The following DENND5B variants were observed in gnomAD, a reference collection of about 807,000 sequenced individuals.
DENND5B encodes the protein DENN domain-containing protein 5B.
A neutral mutation model predicts 140.6 loss-of-function variants in DENND5B; 34 were observed. The ratio of observed to expected loss-of-function variants is 0.24; its 90% confidence interval spans 0.18 to 0.32. The LOEUF (loss-of-function observed/expected upper bound fraction) is 0.32. Ranked by LOEUF, DENND5B falls within the 10% of genes least tolerant of loss-of-function variation. The pLI, the probability that DENND5B is intolerant of heterozygous loss-of-function variation, is 1.00. For synonymous variants in DENND5B, 551 were observed against 562.1 expected (o/e 0.98, Z 0.28); for missense variants, 1,142 against 1,560.2 (o/e 0.73, Z 4.52).
chr12:31,404,782 A>G (rs376104306), intron 14 of DENND5B, among the ~76,000 whole-genome samples: 1 of 1,062 alleles, frequency 9.4e-4, no homozygotes, highest in Non-Finnish European at 5.7e-3. Context: ...TTTTTGAGAC[A>G]GAGTTTTGCT....
chr12:31,426,664 A>C (rs1943251202), intron 8 of DENND5B: 2 of 350,754 alleles, frequency 5.7e-6, no homozygotes, highest in Non-Finnish European at 1.0e-5. Context: ...GTTAAAACTC[A>C]TTCAAAGTGA....
chr12:31,460,380 A>G lies in DENND5B; in HGVS notation c.906T>C (p.Asp302=). 1 of 1,613,676 alleles carries G rather than the reference A, an allele frequency of 6.2e-7. No individual in the cohort carries two copies. The highest frequency in any genetic ancestry group is 8.5e-7 in the Non-Finnish European group (1 of 1,179,710). Residue 302 remains aspartate (D), a splice_region_variant and synonymous_variant, in exon 4 of 21, where the codon GAT becomes GAC. Transcript: ENST00000389082. ...LEMQILLYSQ[D]YQRLMTVAEG... ...CTGCCACAGTCATCAGGCGTTGATA[A>G]TCTGCACAGAACAAGGAAAAAGGAA...
At chr12:31,411,501 C>T (rs181845900) in intron 13 of DENND5B, among the ~76,000 whole-genome samples, 35 of 152,074 alleles carry the variant, frequency 2.3e-4, no homozygotes, top group Admixed American at 4.6e-4. Context: ...TGCGCCACGA[C>T]ACCCAGCTAA....
At chr12:31,437,174 A>C (rs1278029512) in intron 7 of DENND5B, among the ~76,000 whole-genome samples, 4 of 146,316 alleles carry the variant, frequency 2.7e-5, no homozygotes, top group African/African-American at 1.0e-4. Context: ...ACGGAGTCTC[A>C]CTCTGTCGTC....
In DENND5B at chr12:31,590,786, G is replaced by T; in HGVS notation, c.47C>A (p.Pro16Gln). The T allele has an allele frequency of 1.5e-6, 2 of 1,370,930 alleles. No individual in the cohort carries two copies. The highest frequency in any genetic ancestry group is 3.1e-5 in the East Asian group (1 of 31,968). 84.9% of individuals were successfully genotyped at this position (1,370,930 alleles called of 1,614,324 possible). The change falls in exon 1 of 21, where the codon CCG becomes CAG. Residue 16 changes from proline (P) to glutamine (Q), a missense_variant. Pro to Gln is a moderately conservative substitution (Grantham distance 76). This residue lies in a region of DENND5B where 708 missense variants were observed against 905.5 expected (regional missense o/e 0.78). Transcript: ENST00000389082. The stretch of plus-strand genomic sequence containing the variant: ...GTAGTGCGCGAAGCGGCAGGCGGCC[G>T]GGGAGGAGCCCGAGCCCGGGCCGGG... ...AAPGPGSGSS[P>Q]AACRFAHYFV... is the part of the protein sequence containing the mutation.
chr12:31,501,479 A>G (rs1565643395), intron 1 of DENND5B, among the ~76,000 whole-genome samples: 1 of 152,222 alleles, frequency 6.6e-6, no homozygotes, highest in African/African-American at 2.4e-5. Context: ...AAAACTAAAG[A>G]AATCTAAATA....
chr12:31,542,727 G>A lies in DENND5B; in HGVS notation c.128-46808C>T, dbSNP rs1216290808. On this transcript the variant is annotated intron_variant, in intron 1 of 20. Transcript: ENST00000389082. ...TCCCAACACTTTGGGAGGCCAAAAC[G>A]GGTGGATTCTTTGAGCCCAGGAGTT... Among the ~76,000 whole-genome samples the A allele has an allele frequency of 3.3e-5, 5 of 152,268 alleles. No homozygotes were observed. In the South Asian group the frequency reaches 6.2e-4, roughly 19 times the overall value.
At chr12:31,419,699 C>T (rs1312394406) in intron 11 of DENND5B, among the ~76,000 whole-genome samples, 1 of 152,020 alleles carries the variant, frequency 6.6e-6, no homozygotes, top group African/African-American at 2.4e-5. Context: ...TCTGGCCAGG[C>T]ACAGTGGCTT....
chr12:31,529,153 A>C (rs1460930747), intron 1 of DENND5B, among the ~76,000 whole-genome samples: 1 of 132,638 alleles, frequency 7.5e-6, no homozygotes, highest in Admixed American at 8.7e-5. Context: ...ACAGAGCGAA[A>C]CTCTGTCTCA....
At chr12:31,424,440 G>T in intron 10 of DENND5B, 95 bp downstream of exon 10, 21 of 1,370,132 alleles carry the variant, frequency 1.5e-5, no homozygotes, top group Non-Finnish European at 2.0e-5. Flanking sequence ...TGACAAAAGA[G>T]CCTATTTTTT....
intron 1 of DENND5B, chr12:31,500,361 G>C (rs768388443): frequency 2.2e-6 from 1 of 454,114 alleles, no homozygotes; most frequent in Non-Finnish European, 4.4e-6. Flanking sequence ...AAGTATGACA[G>C]TAAGACTAAA....
chr12:31,454,156 A>AAAG (rs2138156154), intron 4 of DENND5B, among the ~76,000 whole-genome samples: 1 of 152,116 alleles, frequency 6.6e-6, no homozygotes, highest in East Asian at 1.9e-4. Context: ...AAAAAAAAAA[A>AAAG]AAAAATTTCG....
intron 3 of DENND5B, among the ~76,000 whole-genome samples, chr12:31,462,741 C>T (rs544504766): frequency 6.6e-6 from 1 of 152,174 alleles, no homozygotes; most frequent in South Asian, 2.1e-4. Context: ...GGTGGATTAC[C>T]TGAGGTCAGA....
At chr12:31,401,509 C>A (rs1372289926) in intron 15 of DENND5B, among the ~76,000 whole-genome samples, 1 of 152,160 alleles carries the variant, frequency 6.6e-6, no homozygotes, top group Non-Finnish European at 1.5e-5. Flanking sequence ...TTTCCTTCCT[C>A]AAACACAACA....
At chr12:31,499,086 ACAAC>A (rs888651957) in intron 1 of DENND5B, among the ~76,000 whole-genome samples, 2 of 152,100 alleles carry the variant, frequency 1.3e-5, no homozygotes, top group African/African-American at 4.8e-5. Context: ...AGATGGGGGA[ACAAC>A]CTATACTTCT....
intron 4 of DENND5B, among the ~76,000 whole-genome samples, chr12:31,453,033 A>T (rs1242078200): frequency 6.6e-6 from 1 of 152,204 alleles, no homozygotes; most frequent in African/African-American, 2.4e-5. Context: ...AGAATTGACA[A>T]TAATCACCAA....
chr12:31,392,069 G>C (rs1941175546), intron 19 of DENND5B, among the ~76,000 whole-genome samples, 198 bp downstream of exon 19: 1 of 151,140 alleles, frequency 6.6e-6, no homozygotes, highest in Non-Finnish European at 1.5e-5. Flanking sequence ...AACCTGGGAG[G>C]CGGAGGTTAC....
rs756504878 is a variant in DENND5B at position 31,452,492 on chromosome 12, G to A, written c.1093-16C>T. On this transcript the variant is annotated splice_polypyrimidine_tract_variant and intron_variant, in intron 4 of 20. Transcript: ENST00000389082. The stretch of plus-strand genomic sequence containing the variant: ...ACAAATTAGCCTGAAAGAGAAAAAT[G>A]AAATACAAAGGTTTAAAATAAAGGA... 3.2e-6 allele frequency: 5 copies of A among 1,572,986 alleles called. No individual in the cohort carries two copies. The highest frequency in any genetic ancestry group is 4.3e-6 in the Non-Finnish European group (5 of 1,163,434).
At chr12:31,406,468 T>C (rs894913408) in intron 14 of DENND5B, among the ~76,000 whole-genome samples, 1 of 152,168 alleles carries the variant, frequency 6.6e-6, no homozygotes. Context: ...GAAAAGGCCA[T>C]ATATTCACGG....
Sources: allele counts gnomAD v4.1 joint callset (sites outside exome capture counted in the v4.1 genomes callset), GRCh38; gene constraint gnomAD v4.1.1; regional missense constraint gnomAD v4.1.1; transcripts MANE v1.5; gene names NCBI Gene and HGNC (gene_info 2026-07-23, HGNC 2026-07-21).